ADAMTS18: variants seen among roughly 807,000 people sequenced by gnomAD.
ADAMTS18 encodes ADAM metallopeptidase with thrombospondin type 1 motif 18.
ADAMTS18 carries 157 observed loss-of-function variants against 165.9 expected under a neutral mutation model. That is an observed-to-expected ratio of 0.95 (90% CI 0.83 to 1.08). ADAMTS18 has a LOEUF of 1.08. Among genes scored for constraint, ADAMTS18 ranks in the 50% least tolerant of loss-of-function variants. The pLI, the probability that ADAMTS18 is intolerant of heterozygous loss-of-function variation, is 0.00. For synonymous variants in ADAMTS18, 782 were observed against 578.2 expected (o/e 1.35, Z -5.06); for missense variants, 2,040 against 1,534.0 (o/e 1.33, Z -5.51).
intron 7 of ADAMTS18, 49 bp downstream of exon 7, chr16:77,362,056 C>T (rs2056722757): frequency 5.0e-6 from 8 of 1,605,594 alleles, no homozygotes; most frequent in Non-Finnish European, 6.0e-6. Flanking sequence ...AGTTTCCATA[C>T]TGTGTTTTCA....
chr16:77,364,757 G>GA (rs2056768489), intron 4 of ADAMTS18, among the ~76,000 whole-genome samples: 1 of 125,300 alleles, frequency 8.0e-6, no homozygotes, highest in Non-Finnish European at 1.5e-5. Context: ...AAGAAAAGAA[G>GA]AAAGAAAAGG....
In ADAMTS18 at chr16:77,293,234, C is replaced by T. The variant is rs776339298; in HGVS notation, c.3031G>A (p.Val1011Met). 1.2e-6 allele frequency: 2 copies of T among 1,613,878 alleles called. No homozygotes were observed. Among genetic ancestry groups the T allele is most frequent in the South Asian group, 1.1e-5 (1 of 91,060 alleles). The change falls in exon 20 of 23, where the codon GTG becomes ATG. Residue 1011 changes from valine (V) to methionine (M), a missense_variant. By Grantham distance (21) the Val-to-Met change is conservative (BLOSUM62 1). Transcript: ENST00000282849. ...TTGCAGAGGAGTTCACGCTTCCTCA[C>T]CCCTCGTCCACAGGTCTTGGAACAC... ...SQCSKTCGRG[V>M]RKRELLCKGS...
chr16:77,339,717 TATC>T (rs1567496474), intron 11 of ADAMTS18, among the ~76,000 whole-genome samples: 1 of 152,156 alleles, frequency 6.6e-6, no homozygotes, highest in African/African-American at 2.4e-5. Flanking sequence ...CATTGTTTTG[TATC>T]ATCATGGCCC....
chr16:77,354,989 G>A (rs563969340), intron 9 of ADAMTS18, among the ~76,000 whole-genome samples: 14 of 152,216 alleles, frequency 9.2e-5, no homozygotes, highest in African/African-American at 2.9e-4. Context: ...CACCCTTTGG[G>A]CATATGTGGT....
At chr16:77,345,602 G>C (rs2056464246) in intron 10 of ADAMTS18, among the ~76,000 whole-genome samples, 1 of 152,178 alleles carries the variant, frequency 6.6e-6, no homozygotes, top group African/African-American at 2.4e-5. Flanking sequence ...ACAGTGACTA[G>C]AGCTGTATTA....
At chr16:77,379,841 C>T (rs769213190) in intron 3 of ADAMTS18, among the ~76,000 whole-genome samples, 1 of 152,136 alleles carries the variant, frequency 6.6e-6, no homozygotes, top group Non-Finnish European at 1.5e-5. Context: ...CCAGTGAACA[C>T]CTGAGCACTT....
In ADAMTS18 at chr16:77,282,533, C is replaced by T. The variant is rs888061668; in HGVS notation, c.*1423G>A. ...GTATGCTGCTAAATTTAACAAACCA[C>T]TGTCTAGTTGATTATGCTGAGCTGG... On this transcript the variant is annotated 3_prime_UTR_variant, in exon 23 of 23. Transcript: ENST00000282849. The T allele has an allele frequency of 6.6e-6, 1 of 152,592 alleles. No homozygotes were observed. Among genetic ancestry groups the T allele is most frequent in the Non-Finnish European group, 1.5e-5 (1 of 68,024 alleles). The allele number at this position is 152,592 out of a possible 1,614,324, so 9.5% of individuals were successfully genotyped here.
intron 3 of ADAMTS18, among the ~76,000 whole-genome samples, chr16:77,419,872 G>A (rs1409746095): frequency 2.6e-5 from 4 of 151,514 alleles, no homozygotes; most frequent in East Asian, 1.9e-4. Flanking sequence ...TGGTAGTGGC[G>A]CCTGTAATCC....
chr16:77,388,186 G>A (rs1260081749), intron 3 of ADAMTS18, among the ~76,000 whole-genome samples: 3 of 152,130 alleles, frequency 2.0e-5, no homozygotes, highest in African/African-American at 4.8e-5. Context: ...TGCAACCTCC[G>A]CCTCCTGGGT....
chr16:77,344,906 A>G (rs1249072830), intron 10 of ADAMTS18, among the ~76,000 whole-genome samples: 9 of 152,166 alleles, frequency 5.9e-5, no homozygotes, highest in African/African-American at 2.2e-4. Flanking sequence ...GGAAACGCAA[A>G]TCAGAGTTTG....
intron 22 of ADAMTS18, among the ~76,000 whole-genome samples, chr16:77,285,784 G>GCAAT (rs1442517816): frequency 6.6e-6 from 1 of 152,082 alleles, no homozygotes; most frequent in African/African-American, 2.4e-5. Context: ...CGTTCTCCAT[G>GCAAT]CAATCAGCAG....
chr16:77,364,098 C>T, intron 5 of ADAMTS18, 90 bp downstream of exon 5: 1 of 1,529,336 alleles, frequency 6.5e-7, no homozygotes, highest in Non-Finnish European at 9.1e-7. Flanking sequence ...TTGCACCGAC[C>T]TAATACACCT....
At chr16:77,358,536 G>A (rs985126512) in intron 8 of ADAMTS18, among the ~76,000 whole-genome samples, 2 of 152,076 alleles carry the variant, frequency 1.3e-5, no homozygotes, top group African/African-American at 4.8e-5. Flanking sequence ...CACTCCAGCC[G>A]GGGCGACAGA....
intron 16 of ADAMTS18, among the ~76,000 whole-genome samples, chr16:77,301,129 A>G (rs1432809142): frequency 6.6e-6 from 1 of 152,224 alleles, no homozygotes; most frequent in Non-Finnish European, 1.5e-5. Context: ...ACAACTTAGG[A>G]TAAATCTGAT....
At chr16:77,321,704 T>A (rs2056001653) in intron 14 of ADAMTS18, among the ~76,000 whole-genome samples, 1 of 152,230 alleles carries the variant, frequency 6.6e-6, no homozygotes, top group Admixed American at 6.5e-5. Context: ...TTAGTACACA[T>A]GCAATAAAAG....
intron 12 of ADAMTS18, among the ~76,000 whole-genome samples, chr16:77,333,384 G>A (rs2056222093): frequency 6.6e-6 from 1 of 151,508 alleles, no homozygotes; most frequent in Non-Finnish European, 1.5e-5. Context: ...ATGATGGGTT[G>A]ATAGGTGCAG....
At chr16:77,401,782 G>A (rs1466814364) in intron 3 of ADAMTS18, among the ~76,000 whole-genome samples, 2 of 152,186 alleles carry the variant, frequency 1.3e-5, no homozygotes, top group East Asian at 1.9e-4. Context: ...GAACGAAAAT[G>A]AAGAGGAAGG....
At chr16:77,351,289 T>C (rs1369299164) in intron 10 of ADAMTS18, among the ~76,000 whole-genome samples, 3 of 152,224 alleles carry the variant, frequency 2.0e-5, no homozygotes, top group Non-Finnish European at 4.4e-5. Context: ...TTTCTCACCT[T>C]CCCTGTCCTT....
intron 3 of ADAMTS18, among the ~76,000 whole-genome samples, chr16:77,411,933 T>C (rs2020291): frequency 0.55 from 83,607 of 151,012 alleles, 24,044 homozygotes; most frequent in Middle Eastern, 0.7. Context: ...GTGTTTCACC[T>C]GCCTTAGCCT....
Sources: allele counts gnomAD v4.1 joint callset (sites outside exome capture counted in the v4.1 genomes callset), GRCh38; gene constraint gnomAD v4.1.1; transcripts MANE v1.5; gene names NCBI Gene and HGNC (gene_info 2026-07-23, HGNC 2026-07-21).